EFCAB11: variants seen among roughly 807,000 people sequenced by gnomAD.
EFCAB11 encodes EF-hand calcium binding domain 11.
EFCAB11 carries 14 observed loss-of-function variants against 23.0 expected under a neutral mutation model. That is an observed-to-expected ratio of 0.61 (90% CI 0.40 to 0.95). The LOEUF (loss-of-function observed/expected upper bound fraction) is 0.95. Ranked by LOEUF, EFCAB11 falls within the 40% of genes least tolerant of loss-of-function variation. The probability of loss-of-function intolerance (pLI) is 0.00; values close to 1 mark genes in which losing one functional copy is unlikely to be tolerated. For missense variants in EFCAB11, 198 were observed against 195.8 expected, an observed-to-expected ratio of 1.01 and a Z score of -0.07; for synonymous variants, 65 against 66.6, an observed-to-expected ratio of 0.98 and a Z score of 0.11.
intron 5 of EFCAB11, among the ~76,000 whole-genome samples, chr14:89,873,360 T>C (rs1888341121): frequency 1.3e-5 from 2 of 152,208 alleles, no homozygotes; most frequent in South Asian, 4.1e-4. Context: ...TTATAGGAGC[T>C]ACAATTCAAG....
chr14:89,897,727 A>G (rs1889212419), intron 5 of EFCAB11, among the ~76,000 whole-genome samples: 1 of 152,244 alleles, frequency 6.6e-6, no homozygotes, highest in Non-Finnish European at 1.5e-5. Flanking sequence ...AATTAACTAT[A>G]CACATTTACA....
rs1287865437 is a variant in EFCAB11 at position 89,953,897 on chromosome 14, A to C, written c.171+9T>G. 6.2e-7 allele frequency: 1 copy of C among 1,610,598 alleles called. No homozygotes were observed. The highest frequency in any genetic ancestry group is 1.7e-5 in the Admixed American group (1 of 59,652). Reference sequence around the variant, plus strand: ...CTACCCCATCCCCAAATATATAAGAAAGCTCTACCTTGGAGGGCTTGTACC... The same window carrying C: ...CTACCCCATCCCCAAATATATAAGACAGCTCTACCTTGGAGGGCTTGTACC... On this transcript the variant is annotated intron_variant, in intron 2 of 5. Transcript: ENST00000316738.
intron 5 of EFCAB11, among the ~76,000 whole-genome samples, chr14:89,865,441 G>C (rs932732716): frequency 8.5e-5 from 13 of 152,104 alleles, no homozygotes; most frequent in African/African-American, 3.1e-4. Context: ...GAAGAGGGAA[G>C]GGATGCTATG....
Position 89,918,969 on chromosome 14 carries a change from G to A in EFCAB11, c.410+12572C>T, listed in dbSNP as rs187762388. Among the ~76,000 whole-genome samples, 3 of 150,880 alleles carry A rather than the reference G, an allele frequency of 2.0e-5. No homozygotes were observed. In the East Asian group the frequency reaches 5.8e-4, roughly 29 times the overall value. ...GCATACCAGATCTCTGCATGAAATG[G>A]AAGGCATTCTGGAATGACACAGGAC... On this transcript the variant is annotated intron_variant, in intron 5 of 5. Transcript: ENST00000316738.
chr14:89,814,083 T>C (rs1886244354), intron 5 of EFCAB11, among the ~76,000 whole-genome samples: 1 of 95,920 alleles, frequency 1.0e-5, no homozygotes, highest in South Asian at 3.9e-4. Context: ...AAAAAAAAAC[T>C]AACCTTTTTT....
At chr14:89,929,244 G>C (rs954543733) in intron 5 of EFCAB11, among the ~76,000 whole-genome samples, 2 of 151,902 alleles carry the variant, frequency 1.3e-5, no homozygotes, top group African/African-American at 2.4e-5. Flanking sequence ...TGTAGAGACA[G>C]GGTCTCTGTT....
intron 2 of EFCAB11, among the ~76,000 whole-genome samples, chr14:89,952,119 T>G (rs942363186): frequency 6.6e-6 from 1 of 152,218 alleles, no homozygotes; most frequent in African/African-American, 2.4e-5. Context: ...AAGTGTCACC[T>G]GCATAATAAA....
chr14:89,891,991 C>G, intron 5 of EFCAB11: 1 of 1,496,516 alleles, frequency 6.7e-7, no homozygotes, highest in Non-Finnish European at 8.9e-7. Context: ...AGCTGCAGCT[C>G]TGGGACACCG....
intron 5 of EFCAB11, among the ~76,000 whole-genome samples, chr14:89,844,085 G>A (rs1887355441): frequency 6.6e-6 from 1 of 152,142 alleles, no homozygotes; most frequent in South Asian, 2.1e-4. Context: ...AATAAAAATG[G>A]TGTACCAGTA....
chr14:89,898,734 C>T (rs993757492), intron 5 of EFCAB11, among the ~76,000 whole-genome samples: 1 of 144,566 alleles, frequency 6.9e-6, no homozygotes, highest in South Asian at 2.3e-4. Context: ...TGCGGTGGTA[C>T]AATCGTAGCT....
At position 89,934,980 on chromosome 14, in the gene EFCAB11, G is replaced by A. The variant is rs964634504; in HGVS notation, c.218-2353C>T. 9.2e-5 allele frequency among the ~76,000 whole-genome samples: 14 copies of A among 152,168 alleles called. No individual in the cohort carries two copies. In the South Asian group the frequency reaches 1.0e-3, roughly 11 times the overall value. On this transcript the variant is annotated intron_variant, in intron 3 of 5. Coordinates refer to ENST00000316738, the MANE Select transcript of EFCAB11 (RefSeq NM_145231.4). ...CTTCCCCAAGCCAAGAGGCCCTTTC[G>A]CACTCCACACCTTTGCATGTATAGA...
intron 5 of EFCAB11, among the ~76,000 whole-genome samples, chr14:89,916,955 CTATATT>C (rs1326235551): frequency 6.6e-6 from 1 of 151,800 alleles, no homozygotes; most frequent in African/African-American, 2.4e-5. Flanking sequence ...AAAAAATTGT[CTATATT>C]TAAGGTATAC....
In EFCAB11 at chr14:89,900,281, G is replaced by A. The variant is rs141778592; in HGVS notation, c.410+31260C>T. Among the ~76,000 whole-genome samples, 548 of 152,192 alleles carry A rather than the reference G, an allele frequency of 3.6e-3. 3 individuals carry two copies. Among genetic ancestry groups the A allele is most frequent in the African/African-American group, 0.012 (499 of 41,512 alleles). ...TACTATTTAAGATATATAAATCCAT[G>A]TCATAAAATATAAAGACATACACGA... On this transcript the variant is annotated intron_variant, in intron 5 of 5. Transcript: ENST00000316738.
chr14:89,939,033 T>A (rs1293509734), intron 3 of EFCAB11, among the ~76,000 whole-genome samples: 1 of 151,976 alleles, frequency 6.6e-6, no homozygotes, highest in East Asian at 1.9e-4. Context: ...AAAATCTTAT[T>A]TCTATCAAAC....
chr14:89,890,952 A>G (rs967048013), intron 5 of EFCAB11, among the ~76,000 whole-genome samples: 1 of 152,234 alleles, frequency 6.6e-6, no homozygotes, highest in African/African-American at 2.4e-5. Flanking sequence ...GGAGTAAGAG[A>G]AAAATGAAAT....
At chr14:89,852,449 C>T (rs536672490) in intron 5 of EFCAB11, among the ~76,000 whole-genome samples, 1 of 152,260 alleles carries the variant, frequency 6.6e-6, no homozygotes, top group Non-Finnish European at 1.5e-5. Flanking sequence ...CGAGGTTATG[C>T]CCCTCCCCTG....
chr14:89,846,508 G>T (rs1383040544), intron 5 of EFCAB11, among the ~76,000 whole-genome samples: 1 of 152,184 alleles, frequency 6.6e-6, no homozygotes, highest in Non-Finnish European at 1.5e-5. Context: ...CTTCAATTCT[G>T]ATGAATTCAC....
chr14:89,942,560 T>C (rs1409629424), intron 3 of EFCAB11, among the ~76,000 whole-genome samples: 1 of 152,212 alleles, frequency 6.6e-6, no homozygotes, highest in Non-Finnish European at 1.5e-5. Flanking sequence ...ATGAGGGTTA[T>C]AATGAAACCC....
At chr14:89,911,132 A>C (rs1380794950) in intron 5 of EFCAB11, among the ~76,000 whole-genome samples, 1 of 152,230 alleles carries the variant, frequency 6.6e-6, no homozygotes. Context: ...AGTAAAATAA[A>C]TAGAAGTGAA....
Sources: gnomAD v4.1 joint callset for allele counts (sites outside exome capture counted in the v4.1 genomes callset) on GRCh38, gnomAD v4.1.1 for gene constraint, MANE v1.5 for transcripts, NCBI Gene and HGNC (gene_info 2026-07-23, HGNC 2026-07-21) for gene names.